The following AUTS2 variants were observed in gnomAD, a reference collection of about 807,000 sequenced individuals.
The protein encoded by AUTS2 is activator of transcription and developmental regulator AUTS2.
Under a neutral mutation model 112.4 loss-of-function variants are expected in AUTS2, and 17 were observed. The ratio of observed to expected loss-of-function variants is 0.15; its 90% CI spans 0.10 to 0.23. The LOEUF (loss-of-function observed/expected upper bound fraction) is 0.23. Ranked by LOEUF, AUTS2 falls within the 10% of genes least tolerant of loss-of-function variation. AUTS2 has a pLI of 1.00. For missense variants in AUTS2, 1,510 were observed against 1,701.6 expected (o/e 0.89, Z 1.98); for synonymous variants, 751 against 702.7 (o/e 1.07, Z -1.09).
chr7:70,115,209 T>C (rs1584744070), intron 2 of AUTS2, among the ~76,000 whole-genome samples: 1 of 152,308 alleles, frequency 6.6e-6, no homozygotes, highest in Non-Finnish European at 1.5e-5. Context: ...TGAAGAAGCA[T>C]GGAAAAGGCC....
intron 5 of AUTS2, among the ~76,000 whole-genome samples, chr7:70,474,853 G>C (rs967794227): frequency 3.3e-5 from 5 of 152,206 alleles, no homozygotes; most frequent in Admixed American, 2.0e-4. Flanking sequence ...GACGGAAGCT[G>C]TTGATCAGGA....
At chr7:70,182,146 A>T (rs1809349314) in intron 4 of AUTS2, among the ~76,000 whole-genome samples, 1 of 152,160 alleles carries the variant, frequency 6.6e-6, no homozygotes, top group Non-Finnish European at 1.5e-5. Context: ...TGTTATTGTC[A>T]AAAACATTCA....
intron 1 of AUTS2, among the ~76,000 whole-genome samples, chr7:69,754,714 C>G (rs1021153408): frequency 6.6e-6 from 1 of 152,070 alleles, no homozygotes; most frequent in South Asian, 2.1e-4. Flanking sequence ...TGTTTTGTGC[C>G]AGGAACTTTA....
At chr7:70,722,942 A>G (rs1786785128) in intron 6 of AUTS2, among the ~76,000 whole-genome samples, 1 of 152,204 alleles carries the variant, frequency 6.6e-6, no homozygotes, top group African/African-American at 2.4e-5. Context: ...TTCAGCTTTT[A>G]CAAACTAACT....
rs55688825 is a variant in AUTS2 at position 70,607,376 on chromosome 7, G to A, written c.691-91193G>A. Among the ~76,000 whole-genome samples the A allele has an allele frequency of 2.8e-4, 42 of 152,322 alleles. No individual in the cohort carries two copies. The South Asian group carries it at 5.0e-3, about 18-fold the overall frequency. Reference sequence around the variant, plus strand: ...TGATGGAAAGCCTATATTTAAAAACGAACCTAGTGGAGGTGTATGATACAG... The same window carrying A: ...TGATGGAAAGCCTATATTTAAAAACAAACCTAGTGGAGGTGTATGATACAG... On this transcript the variant is annotated intron_variant, in intron 5 of 18. Coordinates refer to ENST00000342771, the MANE Select transcript of AUTS2 (RefSeq NM_015570.4).
chr7:70,091,288 C>T (rs1485701418), intron 2 of AUTS2, among the ~76,000 whole-genome samples: 3 of 152,072 alleles, frequency 2.0e-5, no homozygotes, highest in Non-Finnish European at 4.4e-5. Flanking sequence ...TTATGATCTG[C>T]ATTGGTGTAC....
chr7:70,260,721 T>C (rs1463428611), intron 4 of AUTS2, among the ~76,000 whole-genome samples: 1 of 152,056 alleles, frequency 6.6e-6, no homozygotes, highest in Non-Finnish European at 1.5e-5. Flanking sequence ...AATGGAACTA[T>C]ATGCTTACAC....
intron 5 of AUTS2, among the ~76,000 whole-genome samples, chr7:70,636,736 TC>T (rs1352418166): frequency 2.6e-5 from 4 of 151,266 alleles, no homozygotes; most frequent in African/African-American, 9.7e-5. Context: ...AGCCTCAAAC[TC>T]CTGGGCTCAA....
chr7:70,452,056 T>C (rs1288221288), intron 5 of AUTS2, among the ~76,000 whole-genome samples: 1 of 152,228 alleles, frequency 6.6e-6, no homozygotes, highest in Non-Finnish European at 1.5e-5. Flanking sequence ...AACATAGTGC[T>C]GTGTGACTGC....
chr7:70,356,558 T>G (rs1792019788), intron 4 of AUTS2, among the ~76,000 whole-genome samples: 1 of 152,154 alleles, frequency 6.6e-6, no homozygotes, highest in South Asian at 2.1e-4. Context: ...CTTGGTTCTG[T>G]TTGTGGGCTG....
intron 5 of AUTS2, among the ~76,000 whole-genome samples, chr7:70,489,424 A>G (rs1003425357): frequency 6.6e-6 from 1 of 152,216 alleles, no homozygotes; most frequent in African/African-American, 2.4e-5. Flanking sequence ...ATGTTGTATA[A>G]AAGACCTAGA....
intron 2 of AUTS2, among the ~76,000 whole-genome samples, chr7:70,056,011 A>G (rs1801977008): frequency 6.6e-6 from 1 of 151,584 alleles, no homozygotes; most frequent in Non-Finnish European, 1.5e-5. Flanking sequence ...TTTCAGAGAC[A>G]GTGTCTTGCT....
intron 5 of AUTS2, among the ~76,000 whole-genome samples, chr7:70,637,493 G>A (rs1805590086): frequency 6.6e-6 from 1 of 152,126 alleles, no homozygotes; most frequent in Non-Finnish European, 1.5e-5. Context: ...GAATTAAGAA[G>A]TTTTAAAATA....
chr7:70,737,476 T>C (rs1447538380), intron 6 of AUTS2, among the ~76,000 whole-genome samples: 1 of 152,260 alleles, frequency 6.6e-6, no homozygotes, highest in Non-Finnish European at 1.5e-5. Flanking sequence ...TAGTGCAAGA[T>C]AGAAATATCT....
intron 2 of AUTS2, among the ~76,000 whole-genome samples, chr7:69,970,206 T>C (rs1206911747): frequency 6.6e-6 from 1 of 152,200 alleles, no homozygotes; most frequent in Non-Finnish European, 1.5e-5. Context: ...CTTACTTCAA[T>C]TAATTTCATC....
At chr7:70,468,263 A>C (rs1423853327) in intron 5 of AUTS2, among the ~76,000 whole-genome samples, 7 of 152,114 alleles carry the variant, frequency 4.6e-5, no homozygotes, top group Admixed American at 4.6e-4. Flanking sequence ...TTTGTTTTTT[A>C]TGTTCTGATC....
intron 4 of AUTS2, among the ~76,000 whole-genome samples, chr7:70,377,323 T>G (rs567945659): frequency 1.6e-3 from 102 of 65,134 alleles, no homozygotes; most frequent in Non-Finnish European, 2.5e-3. Context: ...CAAACAAATA[T>G]AAATATATAT....
At chr7:70,234,371 A>C (rs1313577457) in intron 4 of AUTS2, among the ~76,000 whole-genome samples, 3 of 151,648 alleles carry the variant, frequency 2.0e-5, no homozygotes, top group Non-Finnish European at 2.9e-5. Flanking sequence ...AAGTTTCTCA[A>C]CTCTTCTCTC....
intron 4 of AUTS2, among the ~76,000 whole-genome samples, chr7:70,376,933 A>T (rs1340546658): frequency 3.3e-5 from 5 of 151,736 alleles, no homozygotes; most frequent in Admixed American, 6.6e-5. Context: ...CTCAGGTCAC[A>T]GTCTTTGTCA....
Sources: gnomAD v4.1 joint callset for allele counts (sites outside exome capture counted in the v4.1 genomes callset) on GRCh38, gnomAD v4.1.1 for gene constraint, MANE v1.5 for transcripts, NCBI Gene and HGNC (gene_info 2026-07-23, HGNC 2026-07-21) for gene names.